The following MAN1A2 variants were observed in gnomAD, a reference collection of about 807,000 sequenced individuals.
The protein encoded by MAN1A2 is mannosyl-oligosaccharide 1,2-alpha-mannosidase IB.
MAN1A2 carries 26 observed loss-of-function variants against 75.7 expected under a neutral mutation model. The ratio of observed to expected loss-of-function variants is 0.34; its 90% CI spans 0.25 to 0.48. The LOEUF is 0.48. MAN1A2 is among the 20% of genes least tolerant of loss of function. The probability of loss-of-function intolerance (pLI) is 0.99; values close to 1 mark genes in which losing one functional copy is unlikely to be tolerated. For synonymous variants in MAN1A2, 247 were observed against 264.6 expected, an observed-to-expected ratio of 0.93 and a Z score of 0.65; for missense variants, 562 against 775.5, an observed-to-expected ratio of 0.72 and a Z score of 3.27.
In MAN1A2 at chr1:117,420,653, A is replaced by C. The variant is rs1648156068; in HGVS notation, c.855+4A>C. The C allele has an allele frequency of 6.3e-7, 1 of 1,599,804 alleles. No homozygotes were observed. Among genetic ancestry groups the C allele is most frequent in the Non-Finnish European group, 8.6e-7 (1 of 1,167,830 alleles). On this transcript the variant is annotated splice_donor_region_variant and intron_variant, in intron 5 of 12. Coordinates refer to ENST00000356554, the MANE Select transcript of MAN1A2 (RefSeq NM_006699.5). ...ATATTACCTATCAGGAGAGGAGGTG[A>C]GCAAAATCAAGCAATGCATTGTTTG...
chr1:117,516,148 A>G (rs1651708935), intron 12 of MAN1A2, among the ~76,000 whole-genome samples: 1 of 152,054 alleles, frequency 6.6e-6, no homozygotes, highest in South Asian at 2.1e-4. Context: ...TTGAAATAGT[A>G]TCTTGATATA....
intron 8 of MAN1A2, among the ~76,000 whole-genome samples, chr1:117,490,625 G>A (rs754159129): frequency 2.0e-5 from 3 of 151,894 alleles, no homozygotes; most frequent in African/African-American, 7.2e-5. Context: ...AATATTCCAA[G>A]TAAAAGAGTC....
intron 12 of MAN1A2, among the ~76,000 whole-genome samples, chr1:117,511,248 C>T (rs1651525316): frequency 6.6e-6 from 1 of 152,174 alleles, no homozygotes; most frequent in South Asian, 2.1e-4. Flanking sequence ...CCACATCCCT[C>T]CCTCTACATA....
chr1:117,458,524 T>TATAAAA (rs373076182), intron 6 of MAN1A2, among the ~76,000 whole-genome samples: 1 of 71,706 alleles, frequency 1.4e-5, no homozygotes, highest in Non-Finnish European at 2.8e-5. Flanking sequence ...TATATATATA[T>TATAAAA]TTTTTTTTTT....
At chr1:117,439,743 C>A (rs908811463) in intron 5 of MAN1A2, among the ~76,000 whole-genome samples, 1 of 152,162 alleles carries the variant, frequency 6.6e-6, no homozygotes, top group African/African-American at 2.4e-5. Context: ...GATCCACCCA[C>A]CTTTGCCTCC....
At chr1:117,398,325 G>A (rs1194692803) in intron 1 of MAN1A2, among the ~76,000 whole-genome samples, 1 of 152,094 alleles carries the variant, frequency 6.6e-6, no homozygotes. Flanking sequence ...TTTTAAGCGA[G>A]GAAACCTCAT....
chr1:117,481,794 T>A (rs1435062104), intron 8 of MAN1A2, among the ~76,000 whole-genome samples: 1 of 151,992 alleles, frequency 6.6e-6, no homozygotes, highest in East Asian at 1.9e-4. Flanking sequence ...ACTGGCACAC[T>A]GTTAACGTTT....
Position 117,522,884 on chromosome 1 carries a change from A to T in MAN1A2, c.1853A>T (p.Asn618Ile). ...TTACCTTTAGACCACTGGGTGTTTA[A>T]TACAGAGGCTCACCCTCTGCCTGTG... ...DLLPLDHWVF[N>I]TEAHPLPVLH... Residue 618 changes from asparagine (N) to isoleucine (I), a missense_variant, in exon 13 of 13, where the codon AAT (asparagine) becomes ATT (isoleucine). Asn to Ile is a moderately radical substitution (Grantham distance 149, BLOSUM62 -3). Coordinates refer to ENST00000356554, the MANE Select transcript of MAN1A2 (RefSeq NM_006699.5). The T allele has an allele frequency of 1.2e-6, 2 of 1,611,850 alleles. No homozygotes were observed. The highest frequency in any genetic ancestry group is 1.7e-6 in the Non-Finnish European group (2 of 1,178,520).
chr1:117,402,477 G>T, intron 2 of MAN1A2, 36 bp downstream of exon 2: 1 of 1,541,274 alleles, frequency 6.5e-7, no homozygotes, highest in Non-Finnish European at 8.7e-7. Context: ...GAGTGTTTAT[G>T]GATTTGTATT....
At chr1:117,393,667 T>A (rs1653808889) in intron 1 of MAN1A2, among the ~76,000 whole-genome samples, 1 of 152,192 alleles carries the variant, frequency 6.6e-6, no homozygotes, top group South Asian at 2.1e-4. Flanking sequence ...CATTTTTTTT[T>A]AGTCATTAAA....
chr1:117,420,762 A>G (rs1648159874), intron 5 of MAN1A2, 113 bp downstream of exon 5: 1 of 732,338 alleles, frequency 1.4e-6, no homozygotes, highest in African/African-American at 1.8e-5. Flanking sequence ...ATATTGAACC[A>G]GTCTAGAACT....
chr1:117,368,477 T>G lies in MAN1A2; in HGVS notation c.294T>G (p.His98Gln). Reference sequence around the variant, plus strand: ...TCCTGATCCATGGACCCGATGAACATAGACACAGGTTTGTTTATTTCAGAA... The same window carrying G: ...TCCTGATCCATGGACCCGATGAACAGAGACACAGGTTTGTTTATTTCAGAA... ...GVFLIHGPDE[H>Q]RHREEEERLR... Residue 98 changes from histidine (H) to glutamine (Q), a missense_variant, in exon 1 of 13, where the codon CAT becomes CAG. His to Gln is a conservative substitution (Grantham distance 24). Transcript: ENST00000356554. The G allele has an allele frequency of 6.2e-7, 1 of 1,605,760 alleles. No individual in the cohort carries two copies. Among genetic ancestry groups the G allele is most frequent in the Non-Finnish European group, 8.5e-7 (1 of 1,176,948 alleles).
At chr1:117,387,805 A>T (rs1464714375) in intron 1 of MAN1A2, among the ~76,000 whole-genome samples, 1 of 152,144 alleles carries the variant, frequency 6.6e-6, no homozygotes, top group Admixed American at 6.5e-5. Context: ...GCCCTCTTCC[A>T]GGCCTGTAGA....
chr1:117,436,247 G>A (rs917905185), intron 5 of MAN1A2, among the ~76,000 whole-genome samples: 1 of 152,106 alleles, frequency 6.6e-6, no homozygotes, highest in African/African-American at 2.4e-5. Flanking sequence ...AAGCAAACAG[G>A]GTTGACATAA....
At chr1:117,507,075 A>G (rs1651397857) in intron 12 of MAN1A2, among the ~76,000 whole-genome samples, 1 of 151,634 alleles carries the variant, frequency 6.6e-6, no homozygotes, top group Admixed American at 6.6e-5. Flanking sequence ...TGACTTTTAA[A>G]GTTTAAAATA....
At chr1:117,410,775 T>C (rs1647787483) in intron 3 of MAN1A2, among the ~76,000 whole-genome samples, 2 of 151,764 alleles carry the variant, frequency 1.3e-5, no homozygotes, top group Admixed American at 6.6e-5. Context: ...GATACAAGTT[T>C]AATATGCAAA....
At position 117,469,108 on chromosome 1, in the gene MAN1A2, G is replaced by A. The variant is rs189378388; in HGVS notation, c.1168+2681G>A. On this transcript the variant is annotated intron_variant, in intron 8 of 12. Coordinates refer to ENST00000356554, the MANE Select transcript of MAN1A2 (RefSeq NM_006699.5). ...GAGTCACTTGAACCCAGGAGGTGGAGGTTGCAGTGAACCGAGATTGTGCCA... is the reference window on the plus strand; with the variant it reads ...GAGTCACTTGAACCCAGGAGGTGGAAGTTGCAGTGAACCGAGATTGTGCCA... Among the ~76,000 whole-genome samples, 109 of 152,150 alleles carry A rather than the reference G, an allele frequency of 7.2e-4. 1 individual carries two copies. The highest frequency in any genetic ancestry group is 2.6e-3 in the African/African-American group (108 of 41,490).
At chr1:117,409,670 C>T (rs61805760) in intron 3 of MAN1A2, among the ~76,000 whole-genome samples, 38,029 of 151,732 alleles carry the variant, frequency 0.25, 5,563 homozygotes, top group East Asian at 0.48. Context: ...ATGTTGAAGT[C>T]CTCAACTCTT....
intron 2 of MAN1A2, 125 bp downstream of exon 2, chr1:117,402,566 T>C: frequency 1.2e-6 from 1 of 828,512 alleles, no homozygotes; most frequent in Non-Finnish European, 1.7e-6. Context: ...TAGTATAGTT[T>C]CCAGGTTGGT....
Sources: gnomAD v4.1 joint callset for allele counts (sites outside exome capture counted in the v4.1 genomes callset) on GRCh38, gnomAD v4.1.1 for gene constraint, MANE v1.5 for transcripts, NCBI Gene and HGNC (gene_info 2026-07-23, HGNC 2026-07-21) for gene names.